The following KPNA3 variants were observed in gnomAD, a reference collection of about 807,000 sequenced individuals.
KPNA3 encodes importin subunit alpha-4.
A neutral mutation model predicts 73.8 loss-of-function variants in KPNA3; 13 were observed. That is an observed-to-expected ratio of 0.18 (90% CI 0.11 to 0.28). KPNA3 has a LOEUF of 0.28. KPNA3 is among the 10% of genes least tolerant of loss of function. The pLI is 1.00. For synonymous variants in KPNA3, 186 were observed against 206.9 expected, an observed-to-expected ratio of 0.90 and a Z score of 0.87; for missense variants, 360 against 618.1, an observed-to-expected ratio of 0.58 and a Z score of 4.43.
chr13:49,702,508 C>G, intron 15 of KPNA3, 28 bp from the exon 16 acceptor site: 1 of 1,218,192 alleles, frequency 8.2e-7, no homozygotes, highest in Non-Finnish European at 1.2e-6. Flanking sequence ...ATCAAAATAA[C>G]TGGTTAATTG....
intron 1 of KPNA3, among the ~76,000 whole-genome samples, chr13:49,766,008 C>A (rs1954804976): frequency 6.6e-6 from 1 of 152,210 alleles, no homozygotes; most frequent in African/African-American, 2.4e-5. Flanking sequence ...AAACTGAGTT[C>A]ATCATTTTCC....
intron 10 of KPNA3, among the ~76,000 whole-genome samples, chr13:49,714,506 G>C (rs1027316095): frequency 6.6e-6 from 1 of 152,074 alleles, no homozygotes; most frequent in Admixed American, 6.5e-5. Flanking sequence ...ACCTTCTTTA[G>C]AAAGAGTGCT....
Position 49,722,089 on chromosome 13 carries a change from G to A in KPNA3, c.592C>T (p.Leu198=). Residue 198 remains leucine, a synonymous_variant, in exon 9 of 17, where the codon CTG becomes TTG. Coordinates refer to ENST00000261667, the MANE Select transcript of KPNA3 (RefSeq NM_002267.4). ...GACAGAAGAGGTTTGACAACTCCCA[G>A]TGATATGACATAATCTCTACATTGA... The part of the protein sequence containing the change: ...GPQCRDYVIS[L]GVVKPLLSFI... 6.2e-7 allele frequency: 1 copy of A among 1,607,276 alleles called. No individual in the cohort carries two copies. Among genetic ancestry groups the A allele is most frequent in the South Asian group, 1.1e-5 (1 of 89,698 alleles).
chr13:49,742,528 T>A (rs1340601296), intron 2 of KPNA3, among the ~76,000 whole-genome samples: 1 of 152,192 alleles, frequency 6.6e-6, no homozygotes, highest in Non-Finnish European at 1.5e-5. Flanking sequence ...GCAGTAGATT[T>A]TCATATCAGG....
intron 12 of KPNA3, among the ~76,000 whole-genome samples, chr13:49,706,679 T>C (rs937070671): frequency 6.6e-6 from 1 of 152,222 alleles, no homozygotes; most frequent in African/African-American, 2.4e-5. Flanking sequence ...TCTTTATTCA[T>C]GGAGCTTACA....
chr13:49,724,941 C>G (rs1408379020), intron 7 of KPNA3, among the ~76,000 whole-genome samples: 1 of 152,116 alleles, frequency 6.6e-6, no homozygotes, highest in Non-Finnish European at 1.5e-5. Flanking sequence ...AACTTACTGC[C>G]ATATCACATG....
chr13:49,729,230 T>C (rs1954439052), intron 6 of KPNA3, among the ~76,000 whole-genome samples: 1 of 152,070 alleles, frequency 6.6e-6, no homozygotes, highest in African/African-American at 2.4e-5. Flanking sequence ...GGAAATAAGA[T>C]GGTATATCAG....
intron 1 of KPNA3, among the ~76,000 whole-genome samples, chr13:49,760,213 C>A (rs1014401174): frequency 1.1e-4 from 17 of 152,038 alleles, no homozygotes; most frequent in African/African-American, 3.6e-4. Flanking sequence ...AGTTCAAGAC[C>A]AGCCTGGGCA....
intron 2 of KPNA3, among the ~76,000 whole-genome samples, chr13:49,745,802 G>A (rs1432835634): frequency 5.3e-5 from 8 of 151,910 alleles, no homozygotes; most frequent in East Asian, 1.9e-4. Context: ...GGTGGCTCAC[G>A]CCTGTAATCC....
At chr13:49,747,424 C>T (rs1202238042) in intron 1 of KPNA3, among the ~76,000 whole-genome samples, 1 of 152,084 alleles carries the variant, frequency 6.6e-6, no homozygotes, top group African/African-American at 2.4e-5. Flanking sequence ...GGTGCAGTGG[C>T]TCACACCTGT....
intron 6 of KPNA3, among the ~76,000 whole-genome samples, chr13:49,729,766 C>T (rs1005889411): frequency 7.2e-5 from 11 of 152,060 alleles, no homozygotes; most frequent in Non-Finnish European, 1.2e-4. Flanking sequence ...GGCAACAGAG[C>T]GAGACTCGGT....
intron 6 of KPNA3, among the ~76,000 whole-genome samples, chr13:49,726,914 C>T (rs915814232): frequency 6.6e-6 from 1 of 152,032 alleles, no homozygotes; most frequent in African/African-American, 2.4e-5. Flanking sequence ...GATTGTGTCA[C>T]TGCACTCCAG....
At chr13:49,780,708 G>A (rs1016081558) in intron 1 of KPNA3, among the ~76,000 whole-genome samples, 2 of 142,460 alleles carry the variant, frequency 1.4e-5, no homozygotes, top group African/African-American at 2.6e-5. Context: ...CCTGAATATT[G>A]AAAAATATTT....
At chr13:49,745,542 T>TAG (rs1279697371) in intron 2 of KPNA3, among the ~76,000 whole-genome samples, 3 of 151,580 alleles carry the variant, frequency 2.0e-5, no homozygotes, top group Non-Finnish European at 4.4e-5. Context: ...GTATTTTTAG[T>TAG]AGACAGGGTT....
rs778948898 is a variant in KPNA3 at position 49,792,523 on chromosome 13, G to C, written c.-17C>G. ...CTCGGCCATGGCTGCGCGCGGCTCC[G>C]GCGGCGGCTACTCCTGCGGCTGCGG... is the stretch of plus-strand genomic sequence containing the variant. On this transcript the variant is annotated 5_prime_UTR_variant, in exon 1 of 17. Coordinates refer to ENST00000261667, the MANE Select transcript of KPNA3 (RefSeq NM_002267.4). The C allele has an allele frequency of 4.5e-6, 7 of 1,567,706 alleles. No individual in the cohort carries two copies. The highest frequency in any genetic ancestry group is 1.1e-5 in the South Asian group (1 of 87,156).
chr13:49,726,613 G>A (rs1045617662), intron 6 of KPNA3, among the ~76,000 whole-genome samples: 1 of 152,124 alleles, frequency 6.6e-6, no homozygotes, highest in Admixed American at 6.6e-5. Context: ...TCAATGGTAT[G>A]CAGAATGGCT....
intron 1 of KPNA3, among the ~76,000 whole-genome samples, chr13:49,772,912 C>T (rs1954866834): frequency 6.6e-6 from 1 of 152,140 alleles, no homozygotes; most frequent in Admixed American, 6.6e-5. Flanking sequence ...AAAAGACATA[C>T]ACATAGCTTT....
At chr13:49,731,355 C>T (rs570864100) in intron 6 of KPNA3, among the ~76,000 whole-genome samples, 278 of 147,854 alleles carry the variant, frequency 1.9e-3, no homozygotes, top group Non-Finnish European at 2.4e-3. Flanking sequence ...TCCCAAAGTG[C>T]TGGGATTACA....
intron 1 of KPNA3, among the ~76,000 whole-genome samples, chr13:49,765,910 TA>T (rs1410731497): frequency 2.6e-5 from 4 of 152,192 alleles, no homozygotes; most frequent in African/African-American, 9.7e-5. Context: ...TTAAGCAGCT[TA>T]AAATTTTAAG....
Sources: allele counts gnomAD v4.1 joint callset (sites outside exome capture counted in the v4.1 genomes callset), GRCh38; gene constraint gnomAD v4.1.1; transcripts MANE v1.5; gene names NCBI Gene and HGNC (gene_info 2026-07-23, HGNC 2026-07-21).